The following NRCAM variants were observed in gnomAD, a reference collection of about 807,000 sequenced individuals.
The protein encoded by NRCAM is neuronal cell adhesion molecule.
A neutral mutation model predicts 156.5 loss-of-function variants in NRCAM; 83 were observed. The observed-to-expected ratio is 0.53, with a 90% CI of 0.44 to 0.64. The LOEUF (loss-of-function observed/expected upper bound fraction) is 0.64. NRCAM is among the 30% of genes least tolerant of loss of function. NRCAM has a pLI of 0.00. For synonymous variants in NRCAM, 538 were observed against 563.9 expected, an observed-to-expected ratio of 0.95 and a Z score of 0.65; for missense variants, 1,417 against 1,597.3, an observed-to-expected ratio of 0.89 and a Z score of 1.92.
chr7:108,438,532 T>C (rs1333772889), intron 1 of NRCAM, among the ~76,000 whole-genome samples: 1 of 152,140 alleles, frequency 6.6e-6, no homozygotes, highest in African/African-American at 2.4e-5. Flanking sequence ...TATTAAAAAA[T>C]CTACAGTTAA....
chr7:108,194,353 A>G lies in NRCAM; in HGVS notation c.1539T>C (p.Pro513=). The G allele has an allele frequency of 1.9e-6, 3 of 1,613,594 alleles. No homozygotes were observed. Among genetic ancestry groups the G allele is most frequent in the Non-Finnish European group, 2.5e-6 (3 of 1,179,628 alleles). Residue 513 remains proline, a synonymous_variant, in exon 16 of 33, where the codon CCT becomes CCC. Coordinates refer to ENST00000379028, the MANE Select transcript of NRCAM (RefSeq NM_001037132.4). ...VLHENGTLEI[P]VAQKDSTGTY... The stretch of plus-strand genomic sequence containing the variant: ...TTCCTGTACTGTCCTTTTGGGCCAC[A>G]GGAATTTCCAAAGTTCCATTTTCAT...
At chr7:108,439,570 G>A (rs1836152108) in intron 1 of NRCAM, among the ~76,000 whole-genome samples, 1 of 152,032 alleles carries the variant, frequency 6.6e-6, no homozygotes, top group Non-Finnish European at 1.5e-5. Context: ...AAAAAGACAG[G>A]CAAGCCGGGC....
At chr7:108,381,628 C>T (rs182760800) in intron 2 of NRCAM, among the ~76,000 whole-genome samples, 2 of 143,886 alleles carry the variant, frequency 1.4e-5, no homozygotes, top group African/African-American at 2.6e-5. Flanking sequence ...GGTGCGATTT[C>T]GGCTCACTTC....
Position 108,300,743 on chromosome 7 carries a change from C to T in NRCAM, c.-107+11922G>A, listed in dbSNP as rs111656478. ...ATTGTGACATTAAAATTATGGTGCT[C>T]ATCTGGGGGCAGTAAAATATTTTAT... On this transcript the variant is annotated intron_variant, in intron 3 of 32. Transcript: ENST00000379028. Among the ~76,000 whole-genome samples the T allele has an allele frequency of 6.8e-4, 103 of 152,134 alleles. 2 individuals carry two copies. The highest frequency in any genetic ancestry group is 2.4e-3 in the African/African-American group (100 of 41,514).
In NRCAM at chr7:108,191,293, A is replaced by T. The variant is rs755488608; in HGVS notation, c.1904-10T>A. ...GGAGTTGGAGTAGGAGCTAGAAAGGACATTAATATAAAGGATTTTAATCAA... is the reference window on the plus strand; with the variant it reads ...GGAGTTGGAGTAGGAGCTAGAAAGGTCATTAATATAAAGGATTTTAATCAA... On this transcript the variant is annotated splice_polypyrimidine_tract_variant and intron_variant, in intron 18 of 32. Coordinates refer to ENST00000379028, the MANE Select transcript of NRCAM (RefSeq NM_001037132.4). 8 of 1,591,962 alleles carry T rather than the reference A, an allele frequency of 5.0e-6. No individual in the cohort carries two copies. In the Admixed American group the frequency reaches 1.4e-4, roughly 27 times the overall value.
chr7:108,347,040 T>TTTG (rs2099361244), intron 2 of NRCAM, among the ~76,000 whole-genome samples: 1 of 136,134 alleles, frequency 7.3e-6, no homozygotes, highest in Admixed American at 7.4e-5. Context: ...CTGTTTTTTT[T>TTTG]TTTTTTTTTT....
chr7:108,228,745 C>T lies in NRCAM; in HGVS notation c.550+2286G>A, dbSNP rs565647064. The stretch of plus-strand genomic sequence containing the variant: ...TTATTTCTGAATAAGAACCAAGTAC[C>T]AAATATTGAGCCTTATTTTGGCAGT... On this transcript the variant is annotated intron_variant, in intron 8 of 32. Transcript: ENST00000379028. 1.1e-4 allele frequency among the ~76,000 whole-genome samples: 16 copies of T among 152,156 alleles called. No homozygotes were observed. The South Asian group carries it at 1.2e-3, about 12-fold the overall frequency.
intron 2 of NRCAM, among the ~76,000 whole-genome samples, chr7:108,353,015 T>C (rs1221269273): frequency 6.6e-6 from 1 of 151,638 alleles, no homozygotes; most frequent in African/African-American, 2.4e-5. Flanking sequence ...CCCACACATG[T>C]ATTTTTTTAA....
At chr7:108,311,778 C>T (rs1416714136) in intron 3 of NRCAM, among the ~76,000 whole-genome samples, 4 of 152,140 alleles carry the variant, frequency 2.6e-5, no homozygotes, top group African/African-American at 9.7e-5. Flanking sequence ...CCTAAGAATT[C>T]TCAGTAACAA....
intron 27 of NRCAM, among the ~76,000 whole-genome samples, chr7:108,175,787 T>C (rs2060250009): frequency 6.6e-6 from 1 of 152,160 alleles, no homozygotes. Flanking sequence ...TAATTTTCAT[T>C]GAATCTCAAG....
intron 13 of NRCAM, among the ~76,000 whole-genome samples, chr7:108,199,885 T>C (rs1450020339): frequency 6.6e-6 from 1 of 152,186 alleles, no homozygotes; most frequent in Non-Finnish European, 1.5e-5. Context: ...TACCACATAC[T>C]GTATCACATT....
At chr7:108,217,829 A>G (rs2090120193) in intron 11 of NRCAM, among the ~76,000 whole-genome samples, 3 of 152,144 alleles carry the variant, frequency 2.0e-5, no homozygotes, top group Admixed American at 2.0e-4. Context: ...CAGAATTTCA[A>G]ATCAGTGGAT....
intron 11 of NRCAM, among the ~76,000 whole-genome samples, chr7:108,220,603 C>A (rs2091890806): frequency 6.6e-6 from 1 of 152,110 alleles, no homozygotes; most frequent in African/African-American, 2.4e-5. Context: ...GGGGAAAGGA[C>A]ACCCTTTTCA....
At chr7:108,435,863 T>C (rs1466119150) in intron 1 of NRCAM, among the ~76,000 whole-genome samples, 1 of 152,218 alleles carries the variant, frequency 6.6e-6, no homozygotes, top group Non-Finnish European at 1.5e-5. Context: ...CCAGGGGCGG[T>C]GGCTTACGCC....
intron 1 of NRCAM, among the ~76,000 whole-genome samples, chr7:108,435,463 G>A (rs1032646294): frequency 5.3e-5 from 8 of 152,146 alleles, no homozygotes; most frequent in African/African-American, 1.9e-4. Context: ...AAAAGCAGAG[G>A]AGAGGGGGAG....
At chr7:108,354,100 A>T (rs2099457738) in intron 2 of NRCAM, among the ~76,000 whole-genome samples, 1 of 152,230 alleles carries the variant, frequency 6.6e-6, no homozygotes, top group South Asian at 2.1e-4. Flanking sequence ...TTAGCCCTTA[A>T]GTCTAGCTCC....
chr7:108,280,247 G>T (rs1440899878), intron 3 of NRCAM, among the ~76,000 whole-genome samples: 1 of 152,218 alleles, frequency 6.6e-6, no homozygotes, highest in African/African-American at 2.4e-5. Context: ...AGAAGCGCTA[G>T]CAATTCTGGC....
intron 3 of NRCAM, among the ~76,000 whole-genome samples, chr7:108,266,180 T>G (rs993442625): frequency 6.6e-6 from 1 of 152,260 alleles, no homozygotes; most frequent in Non-Finnish European, 1.5e-5. Context: ...TGAGGCTTTA[T>G]GCTTCTCAAA....
intron 2 of NRCAM, among the ~76,000 whole-genome samples, chr7:108,364,255 T>C (rs1408408988): frequency 6.6e-6 from 1 of 152,164 alleles, no homozygotes; most frequent in Non-Finnish European, 1.5e-5. Context: ...CATGAAGACA[T>C]GCTCAACATC....
Sources: allele counts gnomAD v4.1 joint callset (sites outside exome capture counted in the v4.1 genomes callset), GRCh38; gene constraint gnomAD v4.1.1; transcripts MANE v1.5; gene names NCBI Gene and HGNC (gene_info 2026-07-23, HGNC 2026-07-21).